Variants in MASP2 observed in about 807,000 individuals in gnomAD.
MASP2 encodes MBL associated serine protease 2.
In MASP2, 49 loss-of-function variants were observed where a neutral mutation model predicts 57.1. The observed-to-expected ratio is 0.86, with a 90% CI of 0.68 to 1.09. MASP2 has a LOEUF of 1.09. MASP2 is among the 50% of genes least tolerant of loss of function. The probability of loss-of-function intolerance (pLI) is 0.00; values close to 1 mark genes in which losing one functional copy is unlikely to be tolerated. For synonymous variants in MASP2, 379 were observed against 340.8 expected (o/e 1.11, Z -1.24); for missense variants, 900 against 874.8 (o/e 1.03, Z -0.36).
chr1:11,045,713 G>C (rs1638618146), intron 3 of MASP2, 174 bp from the exon 4 acceptor site: 1 of 636,438 alleles, frequency 1.6e-6, no homozygotes. Context: ...GTCGCTGCAA[G>C]CTCCCAGCAG....
chr1:11,033,965 A>ACACACTCT (rs1445746544), intron 8 of MASP2, among the ~76,000 whole-genome samples: 1 of 15,434 alleles, frequency 6.5e-5, no homozygotes, highest in African/African-American at 1.7e-4. Context: ...ACACACACAC[A>ACACACTCT]CTCTCTCTCT....
Position 11,045,526 on chromosome 1 carries a change from G to A in MASP2, c.426C>T (p.Cys142=), listed in dbSNP as rs1429468005. The A allele has an allele frequency of 4.4e-6, 7 of 1,607,478 alleles. No homozygotes were observed. Among genetic ancestry groups the A allele is most frequent in the Non-Finnish European group, 5.9e-6 (7 of 1,178,300 alleles). The change falls in exon 4 of 11, where the codon TGC becomes TGT. Residue 142 remains cysteine, a synonymous_variant. Transcript: ENST00000400897. Reference sequence around the variant, plus strand: ...TGGGCGCCTCTCCCGGGGCCACCTGGCACTCGTCAATGTCTGGGGGAGAGG... The same window carrying A: ...TGGGCGCCTCTCCCGGGGCCACCTGACACTCGTCAATGTCTGGGGGAGAGG... ...AFYAAEDIDE[C]QVAPGEAPTC... is the part of the protein sequence containing the mutation.
Position 11,028,821 on chromosome 1 carries a change from C to G in MASP2, c.1298-1173G>C, listed in dbSNP as rs188897371. ...CTCTGCCTCCCAGGTTCATGCCATT[C>G]TCCTGCCTCAGCCTCCTGAGTAGCT... On this transcript the variant is annotated intron_variant, in intron 10 of 10. Coordinates refer to ENST00000400897, the MANE Select transcript of MASP2 (RefSeq NM_006610.4). Among the ~76,000 whole-genome samples, 186 of 149,970 alleles carry G rather than the reference C, an allele frequency of 1.2e-3. 1 individual carries two copies. The highest frequency in any genetic ancestry group is 4.5e-3 in the African/African-American group (185 of 40,804).
intron 3 of MASP2, chr1:11,046,309 G>C (rs140795028): frequency 1.3e-4 from 71 of 565,904 alleles, no homozygotes; most frequent in African/African-American, 1.2e-3. Context: ...TGCTGCGCCC[G>C]GCCAGTCCCT....
intron 7 of MASP2, among the ~76,000 whole-genome samples, chr1:11,036,627 CTCT>C (rs1411034431): frequency 7.9e-6 from 1 of 125,988 alleles, no homozygotes; most frequent in Non-Finnish European, 1.6e-5. Flanking sequence ...AAAAGTGTCT[CTCT>C]TTTTTTTTTT....
At chr1:11,046,398 G>C in intron 3 of MASP2, 158 bp downstream of exon 3, 1 of 779,298 alleles carries the variant, frequency 1.3e-6, no homozygotes, top group Non-Finnish European at 2.1e-6. Context: ...GGTCACGGCT[G>C]TTTTGGTCTT....
Position 11,037,694 on chromosome 1 carries a change from T to TGCAGAAGCTCATAGCCAGTCTC in MASP2, c.985_1006dup (p.Gln336ArgfsTer5). On this transcript the variant is annotated stop_gained and frameshift_variant and splice_region_variant, in exon 7 of 11. Coordinates refer to ENST00000400897, the MANE Select transcript of MASP2 (RefSeq NM_006610.4). LOFTEE classifies it high-confidence loss of function. ...GTGGTGTACTTTGTTTTAACTCACT[T>TGCAGAAGCTCATAGCCAGTCTC]GCAGAAGCTCATAGCCAGTCTCGCA... is the stretch of plus-strand genomic sequence containing the variant. 1 of 1,599,000 alleles carries TGCAGAAGCTCATAGCCAGTCTC rather than the reference T, an allele frequency of 6.3e-7. No homozygotes were observed. Among genetic ancestry groups the TGCAGAAGCTCATAGCCAGTCTC allele is most frequent in the Non-Finnish European group, 8.5e-7 (1 of 1,171,874 alleles).
At chr1:11,030,070 G>A (rs1643816578) in intron 10 of MASP2, 106 bp downstream of exon 10, 4 of 751,096 alleles carry the variant, frequency 5.3e-6, no homozygotes, top group Non-Finnish European at 9.0e-6. Flanking sequence ...AGAGCCAAGT[G>A]CTGAAGTTAC....
rs199936343 is a variant in MASP2 at position 11,046,581 on chromosome 1, C to A, written c.387G>T (p.Gly129=). The stretch of plus-strand genomic sequence containing the variant: ...CCTCGGCTGCATAGAAGGCCTCGAA[C>A]CCCGTGAACGGCTTCTCGTTGGAGT... ...SDYSNEKPFT[G]FEAFYAAEDI... Residue 129 remains glycine (G), a synonymous_variant, in exon 3 of 11, where the codon GGG becomes GGT. Coordinates refer to ENST00000400897, the MANE Select transcript of MASP2 (RefSeq NM_006610.4). 5.7e-5 allele frequency: 92 copies of A among 1,613,940 alleles called. 1 individual carries two copies. The Admixed American group carries it at 7.2e-4, about 13-fold the overall frequency.
intron 6 of MASP2, 70 bp from the exon 7 acceptor site, chr1:11,037,881 T>A: frequency 1.2e-6 from 1 of 841,660 alleles, no homozygotes; most frequent in Non-Finnish European, 1.9e-6. Flanking sequence ...TCGAGCCATC[T>A]GAAGTTCTTA....
Position 11,030,812 on chromosome 1 carries a change from G to C in MASP2, c.1158C>G (p.Thr386=), listed in dbSNP as rs1484548967. Residue 386 remains threonine, a synonymous_variant, in exon 9 of 11, where the codon ACC becomes ACG. Transcript: ENST00000400897. ...TGTACTGAATCACAGCTTTGTAGGT[G>C]GTCACTCCAGGACCTGTGATGTACT... ...RVEYITGPGV[T]TYKAVIQYSC... is the part of the protein sequence containing the mutation. The C allele has an allele frequency of 1.2e-6, 2 of 1,613,632 alleles. No homozygotes were observed. The highest frequency in any genetic ancestry group is 3.3e-5 in the Admixed American group (2 of 59,970).
At chr1:11,043,066 C>G in intron 5 of MASP2, 44 bp from the exon 6 acceptor site, 1 of 1,603,626 alleles carries the variant, frequency 6.2e-7, no homozygotes, top group Non-Finnish European at 8.5e-7. Context: ...CTGCCTGGGT[C>G]TGGCCTGGGC....
chr1:11,039,865 A>AGGATGGATGGAT lies in MASP2; in HGVS notation c.890-2066_890-2055dup, dbSNP rs754881060. Among the ~76,000 whole-genome samples, 475 of 125,134 alleles carry AGGATGGATGGAT rather than the reference A, an allele frequency of 3.8e-3. 5 individuals are homozygous for AGGATGGATGGAT. Among genetic ancestry groups the AGGATGGATGGAT allele is most frequent in the African/African-American group, 0.014 (439 of 31,668 alleles). The allele number at this position is 125,134 out of a possible 152,430, so 82.1% of individuals were successfully genotyped here. ...GTGGGTGGGTAGGTAGGTGGATAGA[A>AGGATGGATGGAT]GGATGGATGGATGGATGGATGGATG... On this transcript the variant is annotated intron_variant, in intron 6 of 10. Transcript: ENST00000400897.
chr1:11,034,965 A>G, intron 7 of MASP2, 59 bp from the exon 8 acceptor site: 1 of 1,252,908 alleles, frequency 8.0e-7, no homozygotes, highest in South Asian at 1.3e-5. Flanking sequence ...TCACTCCCCA[A>G]AGCTGTGCTC....
chr1:11,030,196 G>T lies in MASP2; in HGVS notation c.1277C>A (p.Ser426Ter). The change falls in exon 10 of 11, where the codon TCA (serine) becomes TAA (stop). Residue 426 changes from serine (S) to a stop codon, truncating the protein, a stop_gained. Coordinates refer to ENST00000400897, the MANE Select transcript of MASP2 (RefSeq NM_006610.4). LOFTEE classifies it low-confidence loss of function (END_TRUNC). ...GFWTSSKGEK[S>*]LPVCEPVCGL... is the part of the protein sequence containing the mutation. ...ATTACCAGGCTCACAGACTGGGAGT[G>T]ATTTTTCTCCTTTGGAGCTCGTCCA... The T allele has an allele frequency of 3.1e-6, 5 of 1,613,202 alleles. No homozygotes were observed. The highest frequency in any genetic ancestry group is 4.2e-6 in the Non-Finnish European group (5 of 1,179,596).
intron 8 of MASP2, 61 bp downstream of exon 8, chr1:11,034,767 A>G: frequency 9.2e-7 from 1 of 1,090,290 alleles, no homozygotes; most frequent in Non-Finnish European, 1.3e-6. Context: ...AGAAGCAGCA[A>G]CAGTAGCAGC....
intron 8 of MASP2, among the ~76,000 whole-genome samples, chr1:11,033,335 A>AG (rs1643866694): frequency 6.7e-6 from 1 of 149,884 alleles, no homozygotes; most frequent in Admixed American, 6.6e-5. Context: ...TCTCCAAAAA[A>AG]AAAAAGAAAA....
intron 6 of MASP2, 36 bp from the exon 7 acceptor site, chr1:11,037,847 T>C: frequency 7.7e-7 from 1 of 1,303,866 alleles, no homozygotes. Flanking sequence ...GGTTTTCATG[T>C]GGTCTACAGC....
In MASP2 at chr1:11,030,215, TC is replaced by T. The variant is rs760278738; in HGVS notation, c.1257del (p.Ser420AlafsTer42). ...KYVCEADGFW[T>X]SSKGEKSLPV... The stretch of plus-strand genomic sequence containing the variant: ...GGGAGTGATTTTTCTCCTTTGGAGC[TC>T]GTCCAGAATCCATCAGCCTCACACA... On this transcript the variant is annotated frameshift_variant, in exon 10 of 11. Coordinates refer to ENST00000400897, the MANE Select transcript of MASP2 (RefSeq NM_006610.4). LOFTEE classifies it low-confidence loss of function (END_TRUNC). The T allele has an allele frequency of 2.9e-5, 46 of 1,613,806 alleles. No homozygotes were observed. Among genetic ancestry groups the T allele is most frequent in the Middle Eastern group, 3.3e-4 (2 of 6,056 alleles).
Sources: gnomAD v4.1 joint callset for allele counts (sites outside exome capture counted in the v4.1 genomes callset) on GRCh38, gnomAD v4.1.1 for gene constraint, MANE v1.5 for transcripts, NCBI Gene and HGNC (gene_info 2026-07-23, HGNC 2026-07-21) for gene names.